The following ZNF532 variants were observed in gnomAD, a reference collection of about 807,000 sequenced individuals.
ZNF532 encodes zinc finger protein 532.
ZNF532 carries 22 observed loss-of-function variants against 89.3 expected under a neutral mutation model. The observed-to-expected ratio is 0.25, with a 90% CI of 0.18 to 0.35. ZNF532 has a LOEUF of 0.35. Ranked by LOEUF, ZNF532 falls within the 10% of genes least tolerant of loss-of-function variation. ZNF532 has a pLI of 1.00. For missense variants in ZNF532, 1,132 were observed against 1,643.4 expected (o/e 0.69, Z 5.38); for synonymous variants, 606 against 649.6 (o/e 0.93, Z 1.02).
chr18:58,919,120 G>C lies in ZNF532; in HGVS notation c.833G>C (p.Ser278Thr). The change falls in exon 3 of 10, where the codon AGC becomes ACC. Residue 278 changes from serine (S) to threonine (T), a missense_variant. This residue lies in a region of ZNF532 where 302 missense variants were observed against 319.8 expected (regional missense o/e 0.94). Coordinates refer to ENST00000591808, the MANE Select transcript of ZNF532 (RefSeq NM_001375912.1). The surrounding 1 kb of genome is among the most constrained non-coding windows in gnomAD (Gnocchi z 6.1). ...SSCIAAIAAL[S>T]AKKAASDSCK... ...TGCATCGCTGCCATCGCGGCTCTCA[G>C]CGCTAAAAAGGCGGCTTCAGACTCC... is the stretch of plus-strand genomic sequence containing the variant. 1 of 1,614,188 alleles carries C rather than the reference G, an allele frequency of 6.2e-7. No individual in the cohort carries two copies. Among genetic ancestry groups the C allele is most frequent in the East Asian group, 2.2e-5 (1 of 44,882 alleles).
chr18:58,904,551 A>G (rs184144382), intron 2 of ZNF532, among the ~76,000 whole-genome samples: 31 of 152,152 alleles, frequency 2.0e-4, no homozygotes, highest in Non-Finnish European at 4.6e-4. Flanking sequence ...TTGTTAGACG[A>G]TACCTGAAGG....
At position 58,880,767 on chromosome 18, in the gene ZNF532, C is replaced by CGTGT. The variant is rs575708906; in HGVS notation, c.-18+15189_-18+15190insTGTG. ...CCTCTCATAGGCGCGCGCGCACGCG[C>CGTGT]GCGCGTCTGTGTGTGTGTGTGTATG... On this transcript the variant is annotated intron_variant, in intron 2 of 9. Coordinates refer to ENST00000591808, the MANE Select transcript of ZNF532 (RefSeq NM_001375912.1). 4.0e-4 allele frequency among the ~76,000 whole-genome samples: 52 copies of CGTGT among 130,934 alleles called. 1 individual carries two copies. The highest frequency in any genetic ancestry group is 3.5e-3 in the Middle Eastern group (1 of 284). The allele number at this position is 130,934 out of a possible 152,430, so 85.9% of individuals were successfully genotyped here. A position where few individuals can be genotyped will look rare whatever the true frequency, so the allele number is the denominator to read the frequency against.
Position 58,893,104 on chromosome 18 carries a change from G to T in ZNF532, c.-17-25167G>T, listed in dbSNP as rs527939755. Among the ~76,000 whole-genome samples the T allele has an allele frequency of 1.6e-3, 241 of 150,466 alleles. 1 individual carries two copies. Among genetic ancestry groups the T allele is most frequent in the Middle Eastern group, 7.0e-3 (2 of 284 alleles). On this transcript the variant is annotated intron_variant, in intron 2 of 9. Transcript: ENST00000591808. ...CCAAGCGATTCTGCCTCAGCCTCCCGAGTAGCTGGGATTACAGGCGTGTGC... is the reference window on the plus strand; with the variant it reads ...CCAAGCGATTCTGCCTCAGCCTCCCTAGTAGCTGGGATTACAGGCGTGTGC...
At chr18:58,902,566 C>CA (rs1568279199) in intron 2 of ZNF532, among the ~76,000 whole-genome samples, 1 of 150,766 alleles carries the variant, frequency 6.6e-6, no homozygotes, top group Non-Finnish European at 1.5e-5. Flanking sequence ...GATCTCGACT[C>CA]ACTGCAGCCT....
intron 6 of ZNF532, chr18:58,953,206 G>C (rs1019713092): frequency 2.9e-5 from 6 of 209,290 alleles, no homozygotes; most frequent in Non-Finnish European, 5.7e-5. Context: ...CCTCCCTCTG[G>C]GATGTTACAG....
At chr18:58,896,889 G>A (rs2059286787) in intron 2 of ZNF532, among the ~76,000 whole-genome samples, 2 of 152,212 alleles carry the variant, frequency 1.3e-5, no homozygotes, top group South Asian at 4.1e-4. Flanking sequence ...GGCAAAATAA[G>A]TAGGGAGACA....
chr18:58,888,864 AT>A (rs1602674754), intron 2 of ZNF532, among the ~76,000 whole-genome samples: 1 of 54,282 alleles, frequency 1.8e-5, no homozygotes, highest in East Asian at 8.5e-4. Flanking sequence ...ATTTATATAT[AT>A]ATAATATATA....
chr18:58,913,236 A>C lies in ZNF532; in HGVS notation c.-17-5035A>C, dbSNP rs563142639. On this transcript the variant is annotated intron_variant, in intron 2 of 9. Transcript: ENST00000591808. ...GCAGAGCTAAGGTTTGCATAATGATAATGGGAAGAGCAAGAATTTGAATGT... is the reference window on the plus strand; with the variant it reads ...GCAGAGCTAAGGTTTGCATAATGATCATGGGAAGAGCAAGAATTTGAATGT... 2.9e-4 allele frequency among the ~76,000 whole-genome samples: 44 copies of C among 152,316 alleles called. 1 individual carries two copies. The East Asian group carries it at 5.4e-3, about 19-fold the overall frequency.
chr18:58,965,971 A>G (rs1417494166), intron 7 of ZNF532, among the ~76,000 whole-genome samples: 1 of 152,214 alleles, frequency 6.6e-6, no homozygotes, highest in Non-Finnish European at 1.5e-5. Flanking sequence ...CTCTCGAGGC[A>G]GAGAGCACAG....
At chr18:58,887,828 C>T (rs909205915) in intron 2 of ZNF532, among the ~76,000 whole-genome samples, 1 of 152,180 alleles carries the variant, frequency 6.6e-6, no homozygotes, top group African/African-American at 2.4e-5. Context: ...AGTGCCACTT[C>T]CTGAGGAAGT....
intron 7 of ZNF532, among the ~76,000 whole-genome samples, chr18:58,972,735 C>G (rs1196840684): frequency 6.6e-6 from 1 of 152,152 alleles, no homozygotes; most frequent in Non-Finnish European, 1.5e-5. Flanking sequence ...ATTACAGGCT[C>G]TTTCTTATCC....
chr18:58,873,288 C>CTGAGA (rs1288401417), intron 2 of ZNF532, among the ~76,000 whole-genome samples: 1 of 152,194 alleles, frequency 6.6e-6, no homozygotes, highest in Non-Finnish European at 1.5e-5. Context: ...TCCCAAAGTG[C>CTGAGA]TGAGATCAGA....
chr18:58,863,545 C>T (rs2056152254), upstream of ZNF532: 1 of 1,994 alleles, frequency 5.0e-4, no homozygotes, highest in Admixed American at 5.3e-3. Flanking sequence ...GGCGAGGCCG[C>T]TCCACCGCAC....
chr18:58,976,892 C>G (rs4940435), intron 7 of ZNF532, among the ~76,000 whole-genome samples: 1 of 152,364 alleles, frequency 6.6e-6, no homozygotes, highest in East Asian at 1.9e-4. Flanking sequence ...GAAATACAGA[C>G]CTGTTGTTCA....
At chr18:58,951,928 C>G (rs1054369997) in intron 6 of ZNF532, among the ~76,000 whole-genome samples, 12 of 152,160 alleles carry the variant, frequency 7.9e-5, no homozygotes, top group Non-Finnish European at 1.2e-4. Context: ...GGATTACAGG[C>G]GTGAGCCACT....
chr18:58,889,592 G>C (rs1368187231), intron 2 of ZNF532, among the ~76,000 whole-genome samples: 2 of 151,766 alleles, frequency 1.3e-5, no homozygotes, highest in African/African-American at 4.8e-5. Context: ...TTGATGTCAG[G>C]AGTTTGAGAC....
chr18:58,930,640 A>C (rs2061881940), intron 3 of ZNF532, among the ~76,000 whole-genome samples: 1 of 151,598 alleles, frequency 6.6e-6, no homozygotes, highest in Non-Finnish European at 1.5e-5. Context: ...AAAAAAAAAA[A>C]AAAAAAAAGT....
chr18:58,944,080 G>A (rs2063448518), intron 5 of ZNF532, among the ~76,000 whole-genome samples: 1 of 152,300 alleles, frequency 6.6e-6, no homozygotes, highest in South Asian at 2.1e-4. Flanking sequence ...TGTCCCATCT[G>A]TGAAATGGCA....
In ZNF532 at chr18:58,879,207, T is replaced by C. The variant is rs2057687507; in HGVS notation, c.-18+13628T>C. ...GCAAATCTGATACATTAGCGTCTCT[T>C]GTGTCTGGCCAAGGCGTTCCTCATT... is the stretch of plus-strand genomic sequence containing the variant. On this transcript the variant is annotated intron_variant, in intron 2 of 9. Transcript: ENST00000591808. Among the ~76,000 whole-genome samples the C allele has an allele frequency of 2.0e-5, 3 of 152,122 alleles. No homozygotes were observed. In the South Asian group the frequency reaches 6.2e-4, roughly 32 times the overall value.
Sources: gnomAD v4.1 joint callset for allele counts (sites outside exome capture counted in the v4.1 genomes callset) on GRCh38, gnomAD v4.1.1 for gene constraint, gnomAD v4.1.1 regional missense constraint, Gnocchi (gnomAD v3.1) non-coding constraint, MANE v1.5 for transcripts, NCBI Gene and HGNC (gene_info 2026-07-23, HGNC 2026-07-21) for gene names.